TLE2: variants seen among roughly 807,000 people sequenced by gnomAD.
The protein encoded by TLE2 is transducin-like enhancer protein 2.
A neutral mutation model predicts 97.2 loss-of-function variants in TLE2; 74 were observed. That is an observed-to-expected ratio of 0.76 (90% confidence interval 0.63 to 0.92). The LOEUF (loss-of-function observed/expected upper bound fraction) is 0.92. TLE2 is among the 40% of genes least tolerant of loss of function. TLE2 has a pLI of 0.00. For synonymous variants in TLE2, 499 were observed against 432.1 expected (o/e 1.15, Z -1.92); for missense variants, 1,038 against 1,008.7 (o/e 1.03, Z -0.39).
chr19:3,028,700 C>T lies in TLE2; in HGVS notation c.122+6G>A, dbSNP rs1165611254. 6.2e-7 allele frequency: 1 copy of T among 1,612,776 alleles called. No individual in the cohort carries two copies. The highest frequency in any genetic ancestry group is 8.5e-7 in the Non-Finnish European group (1 of 1,179,780). On this transcript the variant is annotated splice_donor_region_variant and intron_variant, in intron 2 of 19. Coordinates refer to ENST00000262953, the MANE Select transcript of TLE2 (RefSeq NM_003260.5). ...CTCCCGCGGCCCCTGGGGCGGCCCC[C>T]CTCACCTGTGGTATTGAGCCTGAAG...
chr19:3,004,565 G>C (rs1327785520), intron 17 of TLE2, among the ~76,000 whole-genome samples: 1 of 151,084 alleles, frequency 6.6e-6, no homozygotes, highest in Non-Finnish European at 1.5e-5. Flanking sequence ...TTTGAACCTG[G>C]GAGGCGCAGG....
At chr19:3,046,917 T>TCCTCCCTCTCCTCTC (rs2090145665), upstream of TLE2, among the ~76,000 whole-genome samples, 2 of 30,458 alleles carry the variant, frequency 6.6e-5, no homozygotes, top group African/African-American at 1.2e-4. Context: ...CTCCCTCTCC[T>TCCTCCCTCTCCTCTC]CCTCCCCCTC....
At position 3,020,846 on chromosome 19, in the gene TLE2, G is replaced by T. The variant is rs959446741; in HGVS notation, c.295-1073C>A. ...CATGCCTGTAATCACAGCACTTTGG[G>T]AGGCCAAGGCAGGTGGATCACTTGA... is the stretch of plus-strand genomic sequence containing the variant. On this transcript the variant is annotated intron_variant, in intron 5 of 19. Transcript: ENST00000262953. 5.3e-5 allele frequency among the ~76,000 whole-genome samples: 8 copies of T among 152,194 alleles called. No homozygotes were observed. The East Asian group carries it at 1.4e-3, about 26-fold the overall frequency.
rs112201116 is a variant in TLE2, at chr19:3,005,846, G to C, written c.1623C>G (p.Ala541=). ...DLAAPTPRIK[A]ELTSSAPACY... is the part of the protein sequence containing the mutation. ...AGGCTGGGGCTGAGGAAGTCAGCTC[G>C]GCCTTGATACGGGGGGTGGGCGCCG... The change falls in exon 16 of 20, where the codon GCC becomes GCG. Residue 541 remains alanine (A), a synonymous_variant. Transcript: ENST00000262953. 1 of 1,613,954 alleles carries C rather than the reference G, an allele frequency of 6.2e-7. No individual in the cohort carries two copies. The highest frequency in any genetic ancestry group is 8.5e-7 in the Non-Finnish European group (1 of 1,179,880).
At chr19:3,011,599 C>A (rs535885310) in intron 11 of TLE2, among the ~76,000 whole-genome samples, 17 of 151,858 alleles carry the variant, frequency 1.1e-4, no homozygotes, top group Admixed American at 7.2e-4. Context: ...CCTGTAATCC[C>A]ACCACTTTGG....
rs1227524961 is a variant in TLE2, at chr19:3,005,594, G to A, written c.1749-10C>T. 6 of 1,612,796 alleles carry A rather than the reference G, an allele frequency of 3.7e-6. No homozygotes were observed. The highest frequency in any genetic ancestry group is 5.1e-6 in the Non-Finnish European group (6 of 1,179,508). The stretch of plus-strand genomic sequence containing the variant: ...GTGGCCCTGGAACTGCCTGGAGGGA[G>A]AAGGGCCCAGGCGTCCATCCTGGAA... On this transcript the variant is annotated splice_polypyrimidine_tract_variant and intron_variant, in intron 16 of 19. Transcript: ENST00000262953.
chr19:3,043,444 T>C (rs2090119442), intron 1 of TLE2, among the ~76,000 whole-genome samples: 1 of 147,220 alleles, frequency 6.8e-6, no homozygotes, highest in South Asian at 2.2e-4. Context: ...CCCAAAGTGC[T>C]GGGATTACAG....
chr19:3,028,252 C>G, intron 3 of TLE2, 67 bp downstream of exon 3: 1 of 1,503,278 alleles, frequency 6.7e-7, no homozygotes, highest in South Asian at 1.2e-5. Context: ...GGACCTACCC[C>G]AGAGTCCACC....
At chr19:3,029,535 C>T (rs2090003895), upstream of TLE2, 1 of 942,418 alleles carries the variant, frequency 1.1e-6, no homozygotes, top group Non-Finnish European at 1.3e-6. Context: ...AAGAAATTCA[C>T]ACCGTGTTAC....
At chr19:3,002,295 G>C (rs950195382) in intron 18 of TLE2, 58 bp downstream of exon 18, 3 of 1,547,566 alleles carry the variant, frequency 1.9e-6, no homozygotes. Context: ...AGATTGAATA[G>C]GCACCCTGGG....
intron 5 of TLE2, among the ~76,000 whole-genome samples, chr19:3,022,665 C>T (rs1441707294): frequency 6.6e-5 from 10 of 152,074 alleles, no homozygotes; most frequent in Non-Finnish European, 1.5e-5. Flanking sequence ...CCACTGTATG[C>T]ACTCTGAGGC....
chr19:3,043,085 G>T (rs887054931), intron 1 of TLE2, among the ~76,000 whole-genome samples: 6 of 152,142 alleles, frequency 3.9e-5, no homozygotes, highest in Non-Finnish European at 7.3e-5. Flanking sequence ...CTCCCAAAGT[G>T]CTGGGATTAC....
chr19:3,008,383 G>T (rs910202781), intron 14 of TLE2, among the ~76,000 whole-genome samples: 16 of 152,152 alleles, frequency 1.1e-4, no homozygotes, highest in Admixed American at 2.0e-4. Flanking sequence ...TCCCCTGGGG[G>T]GTCAGAGTCT....
intron 11 of TLE2, among the ~76,000 whole-genome samples, chr19:3,012,430 T>C (rs1403713318): frequency 2.6e-5 from 4 of 152,194 alleles, no homozygotes; most frequent in African/African-American, 9.7e-5. Flanking sequence ...TTGCCCAGGC[T>C]GGTCTCCAAC....
chr19:3,013,458 C>T (rs1164387799), intron 11 of TLE2, among the ~76,000 whole-genome samples: 1 of 151,988 alleles, frequency 6.6e-6, no homozygotes, highest in Non-Finnish European at 1.5e-5. Context: ...ATCTACAAAG[C>T]TTCTTTACAA....
chr19:3,017,317 T>C (rs306031), intron 8 of TLE2, among the ~76,000 whole-genome samples: 15,375 of 151,856 alleles, frequency 0.1, 1,013 homozygotes, highest in African/African-American at 0.19. Flanking sequence ...TTTGAATTTT[T>C]AGTAGAGACA....
chr19:3,006,057 A>C (rs2089468325), intron 15 of TLE2, 89 bp from the exon 16 acceptor site: 2 of 1,474,252 alleles, frequency 1.4e-6, no homozygotes, highest in South Asian at 1.1e-5. Context: ...TCTGGAGCCC[A>C]ATGTAGCCTC....
intron 4 of TLE2, among the ~76,000 whole-genome samples, chr19:3,026,729 T>C (rs995574823): frequency 3.4e-5 from 5 of 146,806 alleles, no homozygotes; most frequent in African/African-American, 1.0e-4. Context: ...GATCACAAGT[T>C]CAGGAACACC....
rs145514117 is a variant in TLE2, at chr19:3,009,545, G to A, written c.1170C>T (p.Pro390=). ...GCGCCCCCACCCAAGGACTCACCAC[G>A]GGGGAGCGTCCGTACACCACAGAGC... The part of the protein sequence containing the change: ...VSSSVVYGRS[P]VMAFESHPHL... The change falls in exon 13 of 20, where the codon CCC becomes CCT. Residue 390 remains proline (P), a synonymous_variant. Coordinates refer to ENST00000262953, the MANE Select transcript of TLE2 (RefSeq NM_003260.5). The A allele has an allele frequency of 2.7e-5, 43 of 1,605,344 alleles. No individual in the cohort carries two copies. Among genetic ancestry groups the A allele is most frequent in the African/African-American group, 4.0e-5 (3 of 74,754 alleles).
Sources: allele counts gnomAD v4.1 joint callset (sites outside exome capture counted in the v4.1 genomes callset), GRCh38; gene constraint gnomAD v4.1.1; transcripts MANE v1.5; gene names NCBI Gene and HGNC (gene_info 2026-07-23, HGNC 2026-07-21).